The following IQCH variants were observed in gnomAD, a reference collection of about 807,000 sequenced individuals.
IQCH encodes the protein IQ domain-containing protein H.
In IQCH, 98 loss-of-function variants were observed where a neutral mutation model predicts 117.0. That is an observed-to-expected ratio of 0.84 (90% CI 0.71 to 0.99). IQCH has a LOEUF of 0.99. Ranked by LOEUF, IQCH falls within the 50% of genes least tolerant of loss-of-function variation. The probability of loss-of-function intolerance (pLI) is 0.00; values close to 1 mark genes in which losing one functional copy is unlikely to be tolerated. For synonymous variants in IQCH, 412 were observed against 448.2 expected (o/e 0.92, Z 1.02); for missense variants, 1,102 against 1,243.8 (o/e 0.89, Z 1.72).
intron 8 of IQCH, among the ~76,000 whole-genome samples, chr15:67,361,201 C>G (rs1216823251): frequency 6.6e-6 from 1 of 152,230 alleles, no homozygotes; most frequent in Non-Finnish European, 1.5e-5. Context: ...AATGCTTCCA[C>G]ATGGGTCAGC....
At chr15:67,421,829 T>C (rs2081752137) in intron 16 of IQCH, among the ~76,000 whole-genome samples, 1 of 152,200 alleles carries the variant, frequency 6.6e-6, no homozygotes, top group Non-Finnish European at 1.5e-5. Flanking sequence ...CCAGGCACAG[T>C]GGCTTACACC....
In IQCH at chr15:67,491,128, A is replaced by G. The variant is rs2083642587; in HGVS notation, c.2861+1064A>G. On this transcript the variant is annotated intron_variant, in intron 19 of 20. Coordinates refer to ENST00000335894, the MANE Select transcript of IQCH (RefSeq NM_001031715.3). This position sits in a 1 kb window ranked among gnomAD's most constrained non-coding sequence, Gnocchi z 4.9. ...TATACACAAAGATCTGGTCTCATAA[A>G]AACTAACCAAATAAGAGCCAATTCC... Among the ~76,000 whole-genome samples the G allele has an allele frequency of 6.6e-6, 1 of 152,112 alleles. No individual in the cohort carries two copies. The highest frequency in any genetic ancestry group is 2.4e-5 in the African/African-American group (1 of 41,420).
At chr15:67,270,103 A>G (rs1965841573) in intron 3 of IQCH, among the ~76,000 whole-genome samples, 1 of 152,140 alleles carries the variant, frequency 6.6e-6, no homozygotes, top group Non-Finnish European at 1.5e-5. Context: ...TTCATTAATC[A>G]GTTCTAACAG....
rs1233031484 is a variant in IQCH, at chr15:67,365,918, A to G, written c.753+6033A>G. On this transcript the variant is annotated intron_variant, in intron 8 of 20. Coordinates refer to ENST00000335894, the MANE Select transcript of IQCH (RefSeq NM_001031715.3). The surrounding 1 kb of genome is among the most constrained non-coding windows in gnomAD (Gnocchi z 4.4). ...GCACACTAGCCTGGGCAGCAGAGGA[A>G]GACTCTGTCTCAAAAACAAAAAAAG... 1.3e-5 allele frequency among the ~76,000 whole-genome samples: 2 copies of G among 152,178 alleles called. No individual in the cohort carries two copies. The highest frequency in any genetic ancestry group is 6.5e-5 in the Admixed American group (1 of 15,280).
chr15:67,335,780 C>G (rs1353226084), intron 4 of IQCH, among the ~76,000 whole-genome samples: 2 of 152,190 alleles, frequency 1.3e-5, no homozygotes, highest in African/African-American at 4.8e-5. Context: ...ATTGCACTAA[C>G]AGTCTACTCT....
In IQCH at chr15:67,400,223, C is replaced by T. The variant is rs745319304; in HGVS notation, c.2015C>T (p.Pro672Leu). The change falls in exon 14 of 21, where the codon CCT (proline) becomes CTT (leucine). Residue 672 changes from proline to leucine, a missense_variant. By Grantham distance (98) the Pro-to-Leu change is moderately conservative. Transcript: ENST00000335894. Reference protein sequence around the residue: ...RGNGTAFCDIPSYLKCYKWVL... With the variant: ...RGNGTAFCDILSYLKCYKWVL... The stretch of plus-strand genomic sequence containing the variant: ...AATGGGACTGCATTTTGTGATATTC[C>T]TTCCTACCTAAAGTGCTACAAATGG... The T allele has an allele frequency of 2.7e-5, 44 of 1,613,422 alleles. No individual in the cohort carries two copies. The highest frequency in any genetic ancestry group is 3.6e-5 in the Non-Finnish European group (43 of 1,179,600).
intron 20 of IQCH, among the ~76,000 whole-genome samples, chr15:67,497,637 G>A (rs2083858150): frequency 1.3e-5 from 2 of 152,048 alleles, no homozygotes; most frequent in Admixed American, 6.6e-5. Flanking sequence ...GGGATTACAA[G>A]CACGCACCAC....
intron 16 of IQCH, among the ~76,000 whole-genome samples, chr15:67,438,220 C>G (rs1056629202): frequency 5.3e-5 from 8 of 152,268 alleles, no homozygotes; most frequent in East Asian, 1.9e-4. Context: ...ACCCTACAAG[C>G]TAGAAGGGAT....
chr15:67,348,355 TCACA>T (rs56134528), intron 6 of IQCH, among the ~76,000 whole-genome samples: 9 of 147,680 alleles, frequency 6.1e-5, no homozygotes, highest in Admixed American at 1.4e-4. Context: ...TCGCAAGCCA[TCACA>T]CACACACACA....
At chr15:67,304,840 A>T (rs1967220733) in intron 4 of IQCH, among the ~76,000 whole-genome samples, 1 of 152,134 alleles carries the variant, frequency 6.6e-6, no homozygotes, top group South Asian at 2.1e-4. Context: ...ATCCTCTTCC[A>T]TTGTGTATAC....
chr15:67,255,682 G>T (rs1395613212), intron 1 of IQCH, among the ~76,000 whole-genome samples: 1 of 152,214 alleles, frequency 6.6e-6, no homozygotes, highest in African/African-American at 2.4e-5. Flanking sequence ...GAAGTCATTT[G>T]TCTAAGGTCA....
chr15:67,427,650 T>C lies in IQCH; in HGVS notation c.2505+6073T>C, dbSNP rs2081924233. Among the ~76,000 whole-genome samples, 1 of 152,170 alleles carries C rather than the reference T, an allele frequency of 6.6e-6. No homozygotes were observed. Among genetic ancestry groups the C allele is most frequent in the South Asian group, 2.1e-4 (1 of 4,824 alleles). ...ACCTACAGTTCAAAACAGTCTTTAT[T>C]TCAATAACATTTTAAAGCACTTATT... On this transcript the variant is annotated intron_variant, in intron 16 of 20. Coordinates refer to ENST00000335894, the MANE Select transcript of IQCH (RefSeq NM_001031715.3). The surrounding 1 kb of genome is among the most constrained non-coding windows in gnomAD (Gnocchi z 4.7).
chr15:67,371,461 G>A, intron 8 of IQCH: 1 of 1,559,928 alleles, frequency 6.4e-7, no homozygotes, highest in Non-Finnish European at 8.6e-7. Flanking sequence ...GACAGCCCCA[G>A]ATATGTTCCT....
At chr15:67,261,240 A>G (rs760224953) in intron 1 of IQCH, 32 bp from the exon 2 acceptor site, 4 of 1,433,114 alleles carry the variant, frequency 2.8e-6, no homozygotes, top group Admixed American at 5.1e-5. Flanking sequence ...TGTGTGGATT[A>G]TTTCAATATT....
rs184078659 is a variant in IQCH, at chr15:67,425,119, T to C, written c.2505+3542T>C. 4.8e-4 allele frequency among the ~76,000 whole-genome samples: 73 copies of C among 152,350 alleles called. 2 individuals carry two copies. In the East Asian group the frequency reaches 5.8e-3, roughly 12 times the overall value. On this transcript the variant is annotated intron_variant, in intron 16 of 20. Transcript: ENST00000335894. This position sits in a 1 kb window ranked among gnomAD's most constrained non-coding sequence, Gnocchi z 5.5. Reference sequence around the variant, plus strand: ...ATATGTTTGTTTGCCCATTTATATATCTTTTCTTAATTGCCTAATCATATC... The same window carrying C: ...ATATGTTTGTTTGCCCATTTATATACCTTTTCTTAATTGCCTAATCATATC...
intron 16 of IQCH, among the ~76,000 whole-genome samples, chr15:67,461,859 C>T (rs180750139): frequency 1.1e-3 from 174 of 152,276 alleles, no homozygotes; most frequent in African/African-American, 4.0e-3. Flanking sequence ...ATGGGGACAA[C>T]AGTTATTAAA....
intron 4 of IQCH, among the ~76,000 whole-genome samples, chr15:67,307,436 TAATA>T (rs1967357032): frequency 7.8e-6 from 1 of 127,498 alleles, no homozygotes; most frequent in African/African-American, 3.1e-5. Flanking sequence ...AATGATAAAG[TAATA>T]GAAAGTGAGG....
intron 4 of IQCH, among the ~76,000 whole-genome samples, chr15:67,282,553 G>T (rs1966404313): frequency 6.6e-6 from 1 of 152,128 alleles, no homozygotes; most frequent in African/African-American, 2.4e-5. Flanking sequence ...TATCTAATAT[G>T]TGTGACGTCT....
chr15:67,321,096 T>C (rs1351810963), intron 4 of IQCH, among the ~76,000 whole-genome samples: 7 of 152,238 alleles, frequency 4.6e-5, no homozygotes. Context: ...GAAAATTTTC[T>C]AGACTATATT....
Sources: allele counts gnomAD v4.1 joint callset (sites outside exome capture counted in the v4.1 genomes callset), GRCh38; gene constraint gnomAD v4.1.1; non-coding constraint Gnocchi (gnomAD v3.1); transcripts MANE v1.5; gene names NCBI Gene and HGNC (gene_info 2026-07-23, HGNC 2026-07-21).